The following BORCS5 variants were observed in gnomAD, a reference collection of about 807,000 sequenced individuals.
The protein encoded by BORCS5 is BLOC-1 related complex subunit 5.
In BORCS5, 17 loss-of-function variants were observed where a neutral mutation model predicts 22.1. The observed-to-expected ratio is 0.77, with a 90% confidence interval of 0.53 to 1.15. The LOEUF (loss-of-function observed/expected upper bound fraction) is 1.15. Ranked by LOEUF, BORCS5 falls within the 50% of genes most tolerant of loss-of-function variation. The pLI is 0.00. For synonymous variants in BORCS5, 117 were observed against 99.8 expected (o/e 1.17, Z -1.03); for missense variants, 247 against 253.2 (o/e 0.98, Z 0.17).
intron 3 of BORCS5, among the ~76,000 whole-genome samples, chr12:12,449,195 T>C (rs1942855485): frequency 6.6e-6 from 1 of 151,942 alleles, no homozygotes; most frequent in Non-Finnish European, 1.5e-5. Context: ...TCTGGAGGGG[T>C]TGCAGAGAGG....
intron 2 of BORCS5, among the ~76,000 whole-genome samples, chr12:12,374,421 C>A (rs1406552843): frequency 6.7e-6 from 1 of 149,934 alleles, no homozygotes; most frequent in East Asian, 2.0e-4. Flanking sequence ...TTACTTGAGC[C>A]CAGAAGTTTG....
intron 1 of BORCS5, among the ~76,000 whole-genome samples, chr12:12,358,965 T>C (rs1259342532): frequency 1.3e-5 from 2 of 152,208 alleles, no homozygotes; most frequent in African/African-American, 2.4e-5. Context: ...AACAGTTCTA[T>C]GGCATCCCTG....
At chr12:12,424,109 A>T (rs1014314190) in intron 2 of BORCS5, among the ~76,000 whole-genome samples, 2 of 151,902 alleles carry the variant, frequency 1.3e-5, no homozygotes, top group African/African-American at 4.8e-5. Context: ...GTTTTTGGCC[A>T]TTGTTTCTTC....
At chr12:12,378,378 AATAC>A (rs1468347135) in intron 2 of BORCS5, among the ~76,000 whole-genome samples, 2 of 152,216 alleles carry the variant, frequency 1.3e-5, no homozygotes, top group Non-Finnish European at 2.9e-5. Flanking sequence ...TCTCCAAAAA[AATAC>A]ATAAAGTCTA....
At chr12:12,414,307 C>T (rs1483040735) in intron 2 of BORCS5, among the ~76,000 whole-genome samples, 9 of 72,548 alleles carry the variant, frequency 1.2e-4, no homozygotes, top group African/African-American at 2.8e-4. Context: ...CCTCACCTCC[C>T]GGACGGGGCG....
chr12:12,447,759 C>T (rs1942819807), intron 3 of BORCS5, among the ~76,000 whole-genome samples: 1 of 152,164 alleles, frequency 6.6e-6, no homozygotes, highest in Admixed American at 6.5e-5. Context: ...GCACATAGTC[C>T]AGTTTTCTAT....
chr12:12,419,379 CTTTTT>C (rs1291396180), intron 2 of BORCS5, among the ~76,000 whole-genome samples: 1 of 152,106 alleles, frequency 6.6e-6, no homozygotes, highest in African/African-American at 2.4e-5. Flanking sequence ...TGAACTCATC[CTTTTT>C]TATGGCTGCA....
chr12:12,410,077 GT>G (rs1282878007), intron 2 of BORCS5, among the ~76,000 whole-genome samples: 1 of 151,574 alleles, frequency 6.6e-6, no homozygotes, highest in Non-Finnish European at 1.5e-5. Flanking sequence ...TGATGGGGTT[GT>G]TTTTTTCTTG....
At chr12:12,419,777 G>T (rs945972126) in intron 2 of BORCS5, among the ~76,000 whole-genome samples, 10 of 152,246 alleles carry the variant, frequency 6.6e-5, no homozygotes, top group Admixed American at 2.6e-4. Flanking sequence ...GTTTTGATTC[G>T]CATTTCTCTG....
chr12:12,451,680 A>G (rs1942912012), intron 3 of BORCS5, among the ~76,000 whole-genome samples: 1 of 152,158 alleles, frequency 6.6e-6, no homozygotes, highest in Non-Finnish European at 1.5e-5. Context: ...TCAAGAGATC[A>G]AGACCATTCT....
rs978270494 is a variant in BORCS5 at position 12,442,893 on chromosome 12, G to A, written c.360+7108G>A. 2.6e-5 allele frequency among the ~76,000 whole-genome samples: 4 copies of A among 152,162 alleles called. No individual in the cohort carries two copies. In the East Asian group the frequency reaches 7.7e-4, roughly 29 times the overall value. ...TGGGCAGGGATTTCTTTCTGTCATC[G>A]GTACCGTAATGTTTAAGACCCAGCT... On this transcript the variant is annotated intron_variant, in intron 3 of 3. Transcript: ENST00000314565.
At position 12,438,382 on chromosome 12, in the gene BORCS5, G is replaced by GAAAAAAAAAAAAAAAAAAAAAAAA. The variant is rs1565915767; in HGVS notation, c.360+2602_360+2603insAAAAAAAAAAAAAAAAAAAAAAAA. ...TCTCAAAAAAAAAAAAAAAAAAAAC[G>GAAAAAAAAAAAAAAAAAAAAAAAA]AAAAACAACAACAAAAACCTCTAAT... is the stretch of plus-strand genomic sequence containing the variant. On this transcript the variant is annotated intron_variant, in intron 3 of 3. Transcript: ENST00000314565. 2.1e-4 allele frequency among the ~76,000 whole-genome samples: 22 copies of GAAAAAAAAAAAAAAAAAAAAAAAA among 106,972 alleles called. 1 individual carries two copies. Among genetic ancestry groups the GAAAAAAAAAAAAAAAAAAAAAAAA allele is most frequent in the African/African-American group, 1.2e-3 (21 of 18,074 alleles). 70.2% of individuals were successfully genotyped at this position (106,972 alleles called of 152,430 possible).
chr12:12,367,021 T>C (rs1863420887), intron 2 of BORCS5, among the ~76,000 whole-genome samples: 1 of 152,166 alleles, frequency 6.6e-6, no homozygotes, highest in African/African-American at 2.4e-5. Context: ...GAGTTTGGTG[T>C]TTGGTTGTTA....
intron 2 of BORCS5, among the ~76,000 whole-genome samples, chr12:12,376,578 A>T (rs534553011): frequency 1.3e-5 from 2 of 152,192 alleles, no homozygotes; most frequent in Non-Finnish European, 2.9e-5. Context: ...TAACTTAAAG[A>T]ATCAGTATCT....
At chr12:12,427,002 C>A (rs56152143) in intron 2 of BORCS5, among the ~76,000 whole-genome samples, 4,233 of 152,082 alleles carry the variant, frequency 0.028, 88 homozygotes, top group Non-Finnish European at 0.044. Flanking sequence ...CTGCCGTTGC[C>A]CCCTCGAGGT....
intron 2 of BORCS5, among the ~76,000 whole-genome samples, chr12:12,410,532 G>C (rs1941706200): frequency 6.6e-6 from 1 of 151,978 alleles, no homozygotes; most frequent in Non-Finnish European, 1.5e-5. Context: ...AGATCAGATA[G>C]TTGTAGATAT....
Position 12,361,337 on chromosome 12 carries a change from C to A in BORCS5, c.190C>A (p.Pro64Thr). Residue 64 changes from proline to threonine, a missense_variant, in exon 2 of 4, where the codon CCC (proline) becomes ACC (threonine). By Grantham distance (38) the Pro-to-Thr change is conservative. Transcript: ENST00000314565. ...IKLQEIPTFQ[P>T]LLKGLLSGQT... is the part of the protein sequence containing the mutation. Reference sequence around the variant, plus strand: ...GTTGCAAGAGATTCCAACCTTCCAGCCCCTTTTGAAAGGTAAAGGATTGCG... The same window carrying A: ...GTTGCAAGAGATTCCAACCTTCCAGACCCTTTTGAAAGGTAAAGGATTGCG... 6.2e-7 allele frequency: 1 copy of A among 1,614,056 alleles called. No homozygotes were observed. Among genetic ancestry groups the A allele is most frequent in the Non-Finnish European group, 8.5e-7 (1 of 1,179,932 alleles).
intron 2 of BORCS5, among the ~76,000 whole-genome samples, chr12:12,401,781 A>G (rs1941482502): frequency 6.6e-6 from 1 of 152,144 alleles, no homozygotes; most frequent in Non-Finnish European, 1.5e-5. Context: ...ATCTAAGGCC[A>G]GGAGCGGTGG....
chr12:12,427,075 A>C (rs58218344), intron 2 of BORCS5, among the ~76,000 whole-genome samples: 29,674 of 152,056 alleles, frequency 0.2, 3,815 homozygotes, highest in African/African-American at 0.37. Context: ...CTTAGAAAGC[A>C]CACTTTTTCT....
Sources: allele counts gnomAD v4.1 joint callset (sites outside exome capture counted in the v4.1 genomes callset), GRCh38; gene constraint gnomAD v4.1.1; transcripts MANE v1.5; gene names NCBI Gene and HGNC (gene_info 2026-07-23, HGNC 2026-07-21).